NME7: variants seen among roughly 807,000 people sequenced by gnomAD.
NME7 encodes the protein NME/NM23 family member 7, also known as nucleoside diphosphate kinase 7.
A neutral mutation model predicts 49.1 loss-of-function variants in NME7; 41 were observed. The observed-to-expected ratio is 0.83, with a 90% CI of 0.65 to 1.08. The LOEUF (loss-of-function observed/expected upper bound fraction) is 1.08. NME7 is among the 50% of genes least tolerant of loss of function. The probability of loss-of-function intolerance (pLI) is 0.00; values close to 1 mark genes in which losing one functional copy is unlikely to be tolerated. For missense variants in NME7, 423 were observed against 463.4 expected, an observed-to-expected ratio of 0.91 and a Z score of 0.80; for synonymous variants, 139 against 150.6, an observed-to-expected ratio of 0.92 and a Z score of 0.56.
intron 3 of NME7, among the ~76,000 whole-genome samples, chr1:169,316,584 C>T (rs1218909333): frequency 6.6e-6 from 1 of 152,144 alleles, no homozygotes; most frequent in African/African-American, 2.4e-5. Flanking sequence ...GATTATTCCC[C>T]TGGGCCCAAT....
intron 7 of NME7, among the ~76,000 whole-genome samples, chr1:169,265,238 T>G (rs974869376): frequency 8.3e-5 from 11 of 132,596 alleles, no homozygotes; most frequent in African/African-American, 2.5e-4. Flanking sequence ...GAATCAGACA[T>G]AAGACAACCC....
At chr1:169,184,694 C>T (rs1295569841) in intron 10 of NME7, among the ~76,000 whole-genome samples, 1 of 151,996 alleles carries the variant, frequency 6.6e-6, no homozygotes, top group African/African-American at 2.4e-5. Flanking sequence ...TTGTGAGGTA[C>T]TGGGCTAGAA....
At position 169,275,899 on chromosome 1, in the gene NME7, T is replaced by C. The variant is rs1191466076; in HGVS notation, c.754+11404A>G. ...TATTGAGAGTTTTTAGCATGAAGGG[T>C]TGTTGAATTTTGTCAAAGGCCTTTT... On this transcript the variant is annotated intron_variant, in intron 7 of 11. Coordinates refer to ENST00000367811, the MANE Select transcript of NME7 (RefSeq NM_013330.5). Among the ~76,000 whole-genome samples, 3 of 133,168 alleles carry C rather than the reference T, an allele frequency of 2.3e-5. 1 individual carries two copies. The highest frequency in any genetic ancestry group is 4.6e-4 in the South Asian group (2 of 4,348). 87.4% of individuals were successfully genotyped at this position (133,168 alleles called of 152,430 possible). A position where few individuals can be genotyped will look rare whatever the true frequency, so the allele number is the denominator to read the frequency against.
intron 9 of NME7, among the ~76,000 whole-genome samples, chr1:169,232,912 C>CTTTTTTTTTTTTT (rs10545228): frequency 1.1e-4 from 8 of 74,526 alleles, no homozygotes; most frequent in East Asian, 4.3e-4. Flanking sequence ...GTTTTCTTTT[C>CTTTTTTTTTTTTT]TTTTTTTTTT....
Position 169,269,343 on chromosome 1 carries a change from T to A in NME7, c.754+17960A>T, listed in dbSNP as rs764190433. On this transcript the variant is annotated intron_variant, in intron 7 of 11. Transcript: ENST00000367811. ...CCATCCAACTGTTTACTTTTTCAGATAGAACAGAACACATTCACAAAACTC... is the reference window on the plus strand; with the variant it reads ...CCATCCAACTGTTTACTTTTTCAGAAAGAACAGAACACATTCACAAAACTC... Among the ~76,000 whole-genome samples the A allele has an allele frequency of 1.6e-4, 22 of 134,110 alleles. 4 individuals carry two copies. The highest frequency in any genetic ancestry group is 2.3e-4 in the Non-Finnish European group (13 of 57,174). The allele number at this position is 134,110 out of a possible 152,430, so 88.0% of individuals were successfully genotyped here.
chr1:169,155,482 T>C (rs35133990), intron 11 of NME7, among the ~76,000 whole-genome samples: 38,005 of 152,174 alleles, frequency 0.25, 5,568 homozygotes, highest in Non-Finnish European at 0.34. Flanking sequence ...TAAAATGATC[T>C]ACAGAAGATG....
chr1:169,311,491 G>A (rs1651389918), intron 3 of NME7, among the ~76,000 whole-genome samples: 1 of 149,332 alleles, frequency 6.7e-6, no homozygotes. Context: ...TTTTAAAACT[G>A]TAATAACAAA....
In NME7 at chr1:169,274,788, A is replaced by G. The variant is rs1467043916; in HGVS notation, c.754+12515T>C. Among the ~76,000 whole-genome samples the G allele has an allele frequency of 2.1e-4, 28 of 132,864 alleles. 1 individual carries two copies. In the South Asian group the frequency reaches 4.0e-3, roughly 19 times the overall value. The allele number at this position is 132,864 out of a possible 152,430, so 87.2% of individuals were successfully genotyped here. Reference sequence around the variant, plus strand: ...GATCAGATAGTTGTAGATATGTGGCATTATTTCTGAGGGCTCTGTTGTGTT... The same window carrying G: ...GATCAGATAGTTGTAGATATGTGGCGTTATTTCTGAGGGCTCTGTTGTGTT... On this transcript the variant is annotated intron_variant, in intron 7 of 11. Coordinates refer to ENST00000367811, the MANE Select transcript of NME7 (RefSeq NM_013330.5).
chr1:169,216,406 G>A (rs892206820), intron 10 of NME7, among the ~76,000 whole-genome samples: 4 of 152,248 alleles, frequency 2.6e-5, no homozygotes, highest in Non-Finnish European at 5.9e-5. Context: ...ACAGGGTTCA[G>A]AGAGCTTCCA....
chr1:169,268,199 A>C lies in NME7; in HGVS notation c.754+19104T>G, dbSNP rs537179817. 1.2e-4 allele frequency among the ~76,000 whole-genome samples: 16 copies of C among 134,134 alleles called. 3 individuals are homozygous for C. In the South Asian group the frequency reaches 3.7e-3, roughly 31 times the overall value. 88.0% of individuals were successfully genotyped at this position (134,134 alleles called of 152,430 possible). On this transcript the variant is annotated intron_variant, in intron 7 of 11. Coordinates refer to ENST00000367811, the MANE Select transcript of NME7 (RefSeq NM_013330.5). ...CAACCATGAAAAAAAGCTCAATATC[A>C]CTGATCATTAGAGAAATGCAAATCA...
chr1:169,175,937 T>C (rs1177225842), intron 10 of NME7, among the ~76,000 whole-genome samples: 1 of 152,160 alleles, frequency 6.6e-6, no homozygotes, highest in African/African-American at 2.4e-5. Flanking sequence ...GGGACCACTA[T>C]AACTAAAACA....
intron 1 of NME7, among the ~76,000 whole-genome samples, chr1:169,357,316 T>C (rs752822822): frequency 6.6e-6 from 1 of 152,046 alleles, no homozygotes; most frequent in Non-Finnish European, 1.5e-5. Flanking sequence ...CTCATATATA[T>C]AGCATGTTGC....
chr1:169,301,123 G>A (rs1235072897), intron 5 of NME7, among the ~76,000 whole-genome samples: 1 of 151,976 alleles, frequency 6.6e-6, no homozygotes, highest in Non-Finnish European at 1.5e-5. Context: ...TTCTGCACTA[G>A]CAACAGAGTA....
At chr1:169,136,715 G>A (rs1221782732) in intron 11 of NME7, among the ~76,000 whole-genome samples, 3 of 152,138 alleles carry the variant, frequency 2.0e-5, no homozygotes, top group Non-Finnish European at 4.4e-5. Flanking sequence ...GGCTCGTTCT[G>A]TCTTTATCAC....
At chr1:169,190,381 A>AAT (rs35816758) in intron 10 of NME7, among the ~76,000 whole-genome samples, 4 of 150,540 alleles carry the variant, frequency 2.7e-5, no homozygotes, top group African/African-American at 4.9e-5. Context: ...TTATTTTTAT[A>AAT]ATATATATAT....
chr1:169,316,476 T>C (rs986756523), intron 3 of NME7, among the ~76,000 whole-genome samples: 1 of 152,208 alleles, frequency 6.6e-6, no homozygotes, highest in Non-Finnish European at 1.5e-5. Flanking sequence ...GTCCACATTA[T>C]AATCTCCAGA....
intron 10 of NME7, among the ~76,000 whole-genome samples, chr1:169,181,233 C>G (rs1313730603): frequency 2.0e-5 from 3 of 151,952 alleles, no homozygotes; most frequent in Admixed American, 6.6e-5. Context: ...CCACAGCTGG[C>G]ATTGCCAATG....
At chr1:169,165,698 C>T (rs1377679996) in intron 11 of NME7, among the ~76,000 whole-genome samples, 1 of 152,158 alleles carries the variant, frequency 6.6e-6, no homozygotes, top group African/African-American at 2.4e-5. Flanking sequence ...ACTTTGAAGA[C>T]CTATAGCCAG....
chr1:169,214,833 G>A (rs1660931514), intron 10 of NME7, among the ~76,000 whole-genome samples: 1 of 152,244 alleles, frequency 6.6e-6, no homozygotes, highest in Non-Finnish European at 1.5e-5. Flanking sequence ...AAGTGGGGGT[G>A]CCTGCAATGC....
Sources: allele counts gnomAD v4.1 joint callset (sites outside exome capture counted in the v4.1 genomes callset), GRCh38; gene constraint gnomAD v4.1.1; transcripts MANE v1.5; gene names NCBI Gene and HGNC (gene_info 2026-07-23, HGNC 2026-07-21).